CERT1: variants seen among roughly 807,000 people sequenced by gnomAD.
CERT1 encodes ceramide transporter 1.
A neutral mutation model predicts 87.9 loss-of-function variants in CERT1; 31 were observed. That is an observed-to-expected ratio of 0.35 (90% CI 0.27 to 0.48). CERT1 has a LOEUF of 0.48. Ranked by LOEUF, CERT1 falls within the 20% of genes least tolerant of loss-of-function variation. The probability of loss-of-function intolerance (pLI) is 0.99; values close to 1 mark genes in which losing one functional copy is unlikely to be tolerated. For synonymous variants in CERT1, 289 were observed against 250.9 expected, an observed-to-expected ratio of 1.15 and a Z score of -1.44; for missense variants, 487 against 758.0, an observed-to-expected ratio of 0.64 and a Z score of 4.20.
At chr5:75,467,365 G>A (rs2112340543) in intron 2 of CERT1, among the ~76,000 whole-genome samples, 1 of 152,256 alleles carries the variant, frequency 6.6e-6, no homozygotes, top group East Asian at 1.9e-4. Context: ...TATGAAGCCG[G>A]ACGTGGTAGC....
chr5:75,373,167 A>G (rs950971433), downstream of CERT1: 1 of 152,248 alleles, frequency 6.6e-6, no homozygotes, highest in African/African-American at 2.4e-5. Flanking sequence ...TTCTATGTAT[A>G]CTTTGCAACA....
At chr5:75,460,621 A>G (rs761973846) in intron 2 of CERT1, among the ~76,000 whole-genome samples, 12 of 152,356 alleles carry the variant, frequency 7.9e-5, no homozygotes, top group Non-Finnish European at 1.6e-4. Flanking sequence ...TCCTAAAAAG[A>G]TTCTTAACCT....
rs552962528 is a variant in CERT1 at position 75,396,144 on chromosome 5, C to T, written c.1188+3166G>A. Among the ~76,000 whole-genome samples the T allele has an allele frequency of 2.0e-5, 3 of 152,246 alleles. No homozygotes were observed. The South Asian group carries it at 6.2e-4, about 32-fold the overall frequency. ...AGAACAAGGTAGTCATGAGCCAACACTTATATAAACAGCAAAGTGAAATTA... is the reference window on the plus strand; with the variant it reads ...AGAACAAGGTAGTCATGAGCCAACATTTATATAAACAGCAAAGTGAAATTA... On this transcript the variant is annotated intron_variant, in intron 11 of 16. Coordinates refer to ENST00000643780, the MANE Select transcript of CERT1 (RefSeq NM_001379029.1).
At chr5:75,460,719 T>C (rs554955299) in intron 2 of CERT1, among the ~76,000 whole-genome samples, 15 of 152,354 alleles carry the variant, frequency 9.8e-5, no homozygotes, top group Non-Finnish European at 2.1e-4. Flanking sequence ...CCAGGGTTTA[T>C]TGTTTATTCT....
chr5:75,406,155 G>A lies in CERT1; in HGVS notation c.931-3097C>T, dbSNP rs552055582. Among the ~76,000 whole-genome samples the A allele has an allele frequency of 1.6e-4, 24 of 152,286 alleles. No homozygotes were observed. The South Asian group carries it at 4.4e-3, about 28-fold the overall frequency. On this transcript the variant is annotated intron_variant, in intron 8 of 16. Coordinates refer to ENST00000643780, the MANE Select transcript of CERT1 (RefSeq NM_001379029.1). ...TGTCTCAGGATCTGAACTAATTCTT[G>A]TTGATCTTTCCAGTCAGTCTCTTAA... is the stretch of plus-strand genomic sequence containing the variant.
Position 75,506,008 on chromosome 5 carries a change from T to C in CERT1, c.205A>G (p.Ile69Val). ...DETEYGCRGS[I>V]CLSKAVITPH... is the part of the protein sequence containing the mutation. The stretch of plus-strand genomic sequence containing the variant: ...GTGATGACAGCCTTGCTAAGACAGA[T>C]GGATCCTCTGCAGCCATACTCTGTT... The change falls in exon 2 of 17, where the codon ATC (isoleucine) becomes GTC (valine). Residue 69 changes from isoleucine (I) to valine (V), a missense_variant. Physicochemically the swap from Ile to Val is conservative, Grantham distance 29. Coordinates refer to ENST00000643780, the MANE Select transcript of CERT1 (RefSeq NM_001379029.1). 1 of 1,613,870 alleles carries C rather than the reference T, an allele frequency of 6.2e-7. No individual in the cohort carries two copies. Among genetic ancestry groups the C allele is most frequent in the Non-Finnish European group, 8.5e-7 (1 of 1,179,808 alleles).
At chr5:75,464,941 T>C (rs1455632941) in intron 2 of CERT1, among the ~76,000 whole-genome samples, 1 of 152,150 alleles carries the variant, frequency 6.6e-6, no homozygotes, top group African/African-American at 2.4e-5. Flanking sequence ...GATTATCTCC[T>C]TACTATCTAG....
intron 3 of CERT1, among the ~76,000 whole-genome samples, chr5:75,439,181 C>T (rs1328067622): frequency 6.6e-6 from 1 of 150,394 alleles, no homozygotes; most frequent in Non-Finnish European, 1.5e-5. Context: ...AATAAAATAC[C>T]AGAAATGTCT....
At chr5:75,452,299 C>A (rs190023334) in intron 3 of CERT1, among the ~76,000 whole-genome samples, 7 of 152,128 alleles carry the variant, frequency 4.6e-5, no homozygotes, top group African/African-American at 1.7e-4. Context: ...ATTTCCACAA[C>A]GTGGGGAAAG....
At chr5:75,374,198 G>GA (rs749454395), downstream of CERT1, 15,880 of 301,794 alleles carry the variant, frequency 0.053, 3 homozygotes, top group Middle Eastern at 0.067. Context: ...GTCACTGAAG[G>GA]AAAAAAAAAA....
chr5:75,390,005 G>A (rs1170385991), intron 11 of CERT1, among the ~76,000 whole-genome samples: 2 of 152,160 alleles, frequency 1.3e-5, no homozygotes, highest in Non-Finnish European at 2.9e-5. Context: ...TCATAAAACA[G>A]AGATGATGTG....
intron 3 of CERT1, among the ~76,000 whole-genome samples, chr5:75,434,532 T>C (rs189944245): frequency 1.3e-5 from 2 of 152,252 alleles, no homozygotes; most frequent in Admixed American, 6.5e-5. Context: ...ATGTACTCCT[T>C]AATTTTTTCC....
At chr5:75,496,790 AG>A (rs1448477574) in intron 2 of CERT1, among the ~76,000 whole-genome samples, 18 of 152,244 alleles carry the variant, frequency 1.2e-4, no homozygotes, top group Admixed American at 1.2e-3. Flanking sequence ...GGGGACACAG[AG>A]GGTAACTGAC....
intron 2 of CERT1, among the ~76,000 whole-genome samples, chr5:75,484,180 C>T (rs976586679): frequency 8.6e-5 from 13 of 151,632 alleles, no homozygotes; most frequent in Non-Finnish European, 1.6e-4. Flanking sequence ...AAAATAATGG[C>T]TTGTTATTTG....
At chr5:75,420,830 T>C (rs999067036) in intron 5 of CERT1, among the ~76,000 whole-genome samples, 4 of 152,022 alleles carry the variant, frequency 2.6e-5, no homozygotes, top group Non-Finnish European at 5.9e-5. Flanking sequence ...CTTCTTCTTC[T>C]TCTTGTTTGT....
At chr5:75,426,742 T>C (rs992014645) in intron 3 of CERT1, among the ~76,000 whole-genome samples, 1 of 152,116 alleles carries the variant, frequency 6.6e-6, no homozygotes, top group Admixed American at 6.5e-5. Context: ...GTCAAATTCA[T>C]AGACAGAAAG....
At chr5:75,498,594 A>G (rs1767189133) in intron 2 of CERT1, among the ~76,000 whole-genome samples, 1 of 152,212 alleles carries the variant, frequency 6.6e-6, no homozygotes, top group Non-Finnish European at 1.5e-5. Flanking sequence ...CGGCTTTCCC[A>G]CGGTGTTGGG....
At position 75,480,876 on chromosome 5, in the gene CERT1, GT is replaced by G. The variant is rs200204599; in HGVS notation, c.232-21696del. Among the ~76,000 whole-genome samples, 318 of 152,222 alleles carry G rather than the reference GT, an allele frequency of 2.1e-3. 1 individual carries two copies. In the East Asian group the frequency reaches 0.028, roughly 13 times the overall value. On this transcript the variant is annotated intron_variant, in intron 2 of 16. Transcript: ENST00000643780. ...AGTGCTTTTCGTAATCTCCACCACT[GT>G]TAACTCTGGTCCCAGCCACCAGCAT...
At chr5:75,455,337 G>A (rs1490737025) in intron 3 of CERT1, among the ~76,000 whole-genome samples, 1 of 152,146 alleles carries the variant, frequency 6.6e-6, no homozygotes, top group East Asian at 1.9e-4. Context: ...ACAACCAGCA[G>A]GATGCAGAAA....
Sources: allele counts gnomAD v4.1 joint callset (sites outside exome capture counted in the v4.1 genomes callset), GRCh38; gene constraint gnomAD v4.1.1; transcripts MANE v1.5; gene names NCBI Gene and HGNC (gene_info 2026-07-23, HGNC 2026-07-21).